Variants in CNGB3 observed in about 807,000 individuals in gnomAD.
CNGB3 encodes cyclic nucleotide-gated channel beta-3.
In CNGB3, 86 loss-of-function variants were observed where a neutral mutation model predicts 92.8. That is an observed-to-expected ratio of 0.93 (90% CI 0.78 to 1.11). The LOEUF is 1.11. Ranked by LOEUF, CNGB3 falls within the 50% of genes least tolerant of loss-of-function variation. The pLI, the probability that CNGB3 is intolerant of heterozygous loss-of-function variation, is 0.00. For missense variants in CNGB3, 1,026 were observed against 956.8 expected (o/e 1.07, Z -0.95); for synonymous variants, 333 against 332.7 (o/e 1.00, Z -0.01).
At chr8:86,606,994 A>G (rs1167981960) in intron 14 of CNGB3, among the ~76,000 whole-genome samples, 1 of 152,252 alleles carries the variant, frequency 6.6e-6, no homozygotes, top group Non-Finnish European at 1.5e-5. Flanking sequence ...GAGATACTTT[A>G]GGAAGTAATG....
chr8:86,693,599 G>C (rs10099550), intron 3 of CNGB3, among the ~76,000 whole-genome samples: 1 of 149,672 alleles, frequency 6.7e-6, no homozygotes, highest in Non-Finnish European at 1.5e-5. Flanking sequence ...GCGGCCTTCC[G>C]CAGTGTTTGT....
chr8:86,679,699 T>A (rs1378764788), intron 3 of CNGB3, among the ~76,000 whole-genome samples: 2 of 152,098 alleles, frequency 1.3e-5, no homozygotes, highest in African/African-American at 4.8e-5. Flanking sequence ...CTAATTTTTG[T>A]ATTTTTAGTA....
chr8:86,727,792 T>G (rs1825087330), intron 2 of CNGB3, among the ~76,000 whole-genome samples: 1 of 152,140 alleles, frequency 6.6e-6, no homozygotes, highest in Non-Finnish European at 1.5e-5. Flanking sequence ...GAGGCCCAAA[T>G]CATCATTTTA....
intron 8 of CNGB3, among the ~76,000 whole-genome samples, chr8:86,646,221 C>G (rs1357169215): frequency 4.6e-5 from 7 of 151,046 alleles, no homozygotes; most frequent in East Asian, 1.9e-4. Flanking sequence ...ATGGCCTGAC[C>G]ACTAGATTGC....
chr8:86,625,317 G>T (rs978770854), intron 13 of CNGB3, among the ~76,000 whole-genome samples: 2 of 152,100 alleles, frequency 1.3e-5, no homozygotes, highest in African/African-American at 4.8e-5. Flanking sequence ...GGCTAAAGTG[G>T]TGCCTGAAAC....
At chr8:86,625,863 C>G (rs1822836062) in intron 13 of CNGB3, 120 bp downstream of exon 13, 4 of 790,438 alleles carry the variant, frequency 5.1e-6, no homozygotes, top group Admixed American at 4.2e-5. Flanking sequence ...CATAATTTCT[C>G]TAGGTTATTT....
intron 3 of CNGB3, among the ~76,000 whole-genome samples, chr8:86,704,759 T>C (rs541061745): frequency 6.6e-6 from 1 of 152,220 alleles, no homozygotes; most frequent in African/African-American, 2.4e-5. Flanking sequence ...TTAAATAAAT[T>C]ATAATCTAAA....
At chr8:86,710,177 TG>T (rs1824724697) in intron 3 of CNGB3, among the ~76,000 whole-genome samples, 1 of 152,204 alleles carries the variant, frequency 6.6e-6, no homozygotes, top group South Asian at 2.1e-4. Flanking sequence ...TTAGGTTGCT[TG>T]TAAGTGGTTT....
chr8:86,735,956 C>T (rs1012876311), intron 2 of CNGB3, among the ~76,000 whole-genome samples: 4 of 151,990 alleles, frequency 2.6e-5, no homozygotes, highest in African/African-American at 9.7e-5. Context: ...ACTTACATAT[C>T]CTCTACTGGT....
intron 14 of CNGB3, among the ~76,000 whole-genome samples, chr8:86,606,727 T>C (rs1258406782): frequency 1.3e-5 from 2 of 152,176 alleles, no homozygotes; most frequent in Non-Finnish European, 2.9e-5. Context: ...TGAAGTCAAG[T>C]AGGAAACGTA....
chr8:86,661,734 C>G, intron 6 of CNGB3: 2 of 1,564,008 alleles, frequency 1.3e-6, no homozygotes, highest in East Asian at 2.2e-5. Context: ...AGTGGTTGAT[C>G]TAGCATCTCA....
chr8:86,597,098 C>T (rs1212460083), intron 15 of CNGB3, among the ~76,000 whole-genome samples: 2 of 152,080 alleles, frequency 1.3e-5, no homozygotes, highest in Admixed American at 6.5e-5. Context: ...GTGCAGCAAA[C>T]CAACATGGCA....
At chr8:86,717,093 A>T (rs1175883205) in intron 3 of CNGB3, among the ~76,000 whole-genome samples, 1 of 152,186 alleles carries the variant, frequency 6.6e-6, no homozygotes, top group South Asian at 2.1e-4. Context: ...AAAACAAACT[A>T]AAGCAACAGC....
chr8:86,615,073 T>C (rs1822591003), intron 13 of CNGB3, among the ~76,000 whole-genome samples: 1 of 152,236 alleles, frequency 6.6e-6, no homozygotes, highest in African/African-American at 2.4e-5. Context: ...TTGCATTTGG[T>C]ACTATAAGTA....
intron 17 of CNGB3, 49 bp from the exon 18 acceptor site, chr8:86,576,179 C>T: frequency 2.5e-6 from 4 of 1,588,044 alleles, no homozygotes; most frequent in Non-Finnish European, 3.4e-6. Context: ...TAATTAAAAA[C>T]ATTGGATTAG....
At position 86,576,080 on chromosome 8, in the gene CNGB3, A is replaced by G. The variant is rs1198416238; in HGVS notation, c.2154T>C (p.Asp718=). The change falls in exon 18 of 18, where the codon GAT becomes GAC. Residue 718 remains aspartate, a synonymous_variant. Coordinates refer to ENST00000320005, the MANE Select transcript of CNGB3 (RefSeq NM_019098.5). The part of the protein sequence containing the change: ...GGEEEGKENE[D]KQKENEDKQK... ...GTTTATCTTCATTTTCTTTTTGTTT[A>G]TCTTCATTTTCTTTTCCTTCTTCCT... The G allele has an allele frequency of 1.3e-6, 2 of 1,596,148 alleles. No homozygotes were observed. Among genetic ancestry groups the G allele is most frequent in the Non-Finnish European group, 1.7e-6 (2 of 1,172,102 alleles).
chr8:86,677,680 A>G (rs778823396), intron 3 of CNGB3, among the ~76,000 whole-genome samples: 4 of 152,194 alleles, frequency 2.6e-5, no homozygotes, highest in Non-Finnish European at 5.9e-5. Flanking sequence ...AAAATGCCAC[A>G]AAAAATCAGG....
rs1406779435 is a variant in CNGB3, at chr8:86,632,787, A to G, written c.1285T>C (p.Ser429Pro). The G allele has an allele frequency of 6.2e-7, 1 of 1,612,810 alleles. No individual in the cohort carries two copies. Among genetic ancestry groups the G allele is most frequent in the Admixed American group, 1.7e-5 (1 of 59,944 alleles). ...AAACTGGAGAACACAAAAACTCCAG[A>G]AAAAAAATTCAAGAGTTGAAAAACA... ...EIVFQLLNFF[S>P]GVFVFSSLIG... is the part of the protein sequence containing the mutation. The change falls in exon 11 of 18, where the codon TCT (serine) becomes CCT (proline). Residue 429 changes from serine (S) to proline (P), a missense_variant. Physicochemically the swap from Ser to Pro is moderately conservative, Grantham distance 74. Transcript: ENST00000320005.
chr8:86,671,494 C>G (rs986048888), intron 3 of CNGB3, among the ~76,000 whole-genome samples: 1 of 152,162 alleles, frequency 6.6e-6, no homozygotes, highest in African/African-American at 2.4e-5. Flanking sequence ...GTTTTATTCC[C>G]ATCAGTAGTC....
Sources: gnomAD v4.1 joint callset for allele counts (sites outside exome capture counted in the v4.1 genomes callset) on GRCh38, gnomAD v4.1.1 for gene constraint, MANE v1.5 for transcripts, NCBI Gene and HGNC (gene_info 2026-07-23, HGNC 2026-07-21) for gene names.